PACS2: variants seen among roughly 807,000 people sequenced by gnomAD.
The protein encoded by PACS2 is PACS1-like protein.
Under a neutral mutation model 113.0 loss-of-function variants are expected in PACS2, and 36 were observed. The observed-to-expected ratio is 0.32, with a 90% CI of 0.24 to 0.42. PACS2 has a LOEUF of 0.42. PACS2 is among the 10% of genes least tolerant of loss of function. PACS2 has a pLI of 1.00. For synonymous variants in PACS2, 589 were observed against 536.1 expected (o/e 1.10, Z -1.36); for missense variants, 1,015 against 1,239.5 (o/e 0.82, Z 2.72).
chr14:105,380,931 G>T (rs1555411803), intron 11 of PACS2, 26 bp from the exon 12 acceptor site: 1 of 1,592,676 alleles, frequency 6.3e-7, no homozygotes, highest in South Asian at 1.1e-5. Flanking sequence ...TCCACGGGAG[G>T]CTCCAGGCCC....
chr14:105,331,184 A>AC (rs2059291613), intron 1 of PACS2, among the ~76,000 whole-genome samples: 2 of 151,860 alleles, frequency 1.3e-5, no homozygotes, highest in Admixed American at 6.6e-5. Flanking sequence ...CAAACTCCTG[A>AC]CCTCAGGTGA....
chr14:105,319,584 A>G (rs748358240), intron 1 of PACS2, among the ~76,000 whole-genome samples: 6 of 152,250 alleles, frequency 3.9e-5, no homozygotes, highest in Non-Finnish European at 7.3e-5. Context: ...ACTTATCTAT[A>G]GATTATTTTG....
Position 105,365,352 on chromosome 14 carries a change from T to G in PACS2, c.424-1861T>G, listed in dbSNP as rs2060907504. Among the ~76,000 whole-genome samples, 1 of 152,164 alleles carries G rather than the reference T, an allele frequency of 6.6e-6. No homozygotes were observed. On this transcript the variant is annotated intron_variant, in intron 4 of 24. Coordinates refer to ENST00000447393, the MANE Select transcript of PACS2 (RefSeq NM_001100913.3). The surrounding 1 kb of genome is among the most constrained non-coding windows in gnomAD (Gnocchi z 5.1). ...ACATGCAGCCTGGAGTGTCGGGGCC[T>G]GGGACTTCCAGGGCCTGCAGATATC...
At chr14:105,392,494 CCCT>C in intron 22 of PACS2, 122 bp from the exon 23 acceptor site, 12 of 772,866 alleles carry the variant, frequency 1.6e-5, no homozygotes, top group Non-Finnish European at 2.3e-5. Flanking sequence ...AAGCACCCGG[CCCT>C]CCTCTGCTGG....
rs587730339 is a variant in PACS2 at position 105,371,528 on chromosome 14, A to G, written c.801+1628A>G. 118 of 152,362 alleles carry G rather than the reference A, an allele frequency of 7.7e-4. 1 individual carries two copies. The highest frequency in any genetic ancestry group is 2.8e-3 in the African/African-American group (115 of 41,578). 9.4% of individuals were successfully genotyped at this position (152,362 alleles called of 1,614,324 possible). On this transcript the variant is annotated intron_variant, in intron 8 of 24. Coordinates refer to ENST00000447393, the MANE Select transcript of PACS2 (RefSeq NM_001100913.3). ...GCGTTGTGTGAAATTCATGCAGGTC[A>G]ACACAGTACTTTAATGGAGTGATGG...
rs2060333768 is a variant in PACS2, at chr14:105,354,027, G to T, written c.298-1025G>T. ...TGAACCCGGGAGGTGGAGGTTGGTT[G>T]CAGTGAGCTGAGATCATGCCATAGC... is the stretch of plus-strand genomic sequence containing the variant. On this transcript the variant is annotated intron_variant, in intron 3 of 24. Coordinates refer to ENST00000447393, the MANE Select transcript of PACS2 (RefSeq NM_001100913.3). The surrounding 1 kb of genome is among the most constrained non-coding windows in gnomAD (Gnocchi z 4.2). 6.6e-6 allele frequency among the ~76,000 whole-genome samples: 1 copy of T among 151,912 alleles called. No homozygotes were observed. Among genetic ancestry groups the T allele is most frequent in the Non-Finnish European group, 1.5e-5 (1 of 67,960 alleles).
Position 105,355,211 on chromosome 14 carries a change from C to T in PACS2, c.423+34C>T. 6.3e-7 allele frequency: 1 copy of T among 1,599,990 alleles called. No individual in the cohort carries two copies. Among genetic ancestry groups the T allele is most frequent in the Non-Finnish European group, 8.5e-7 (1 of 1,172,956 alleles). ...TCCGTCTGGCGTGGCCTGCGTCGGGCTGGCCACCTGGGTGCCAGAGCATTC... is the reference window on the plus strand; with the variant it reads ...TCCGTCTGGCGTGGCCTGCGTCGGGTTGGCCACCTGGGTGCCAGAGCATTC... On this transcript the variant is annotated intron_variant, in intron 4 of 24. Transcript: ENST00000447393. The surrounding 1 kb of genome is among the most constrained non-coding windows in gnomAD (Gnocchi z 4.1).
intron 19 of PACS2, 145 bp downstream of exon 19, chr14:105,385,862 G>C (rs1486369754): frequency 1.2e-5 from 6 of 502,280 alleles, no homozygotes; most frequent in African/African-American, 7.8e-5. Context: ...TGCAGGCTGA[G>C]AGCCCGCACG....
intron 2 of PACS2, among the ~76,000 whole-genome samples, chr14:105,351,444 C>T (rs2060175714): frequency 6.6e-6 from 1 of 152,190 alleles, no homozygotes; most frequent in African/African-American, 2.4e-5. Flanking sequence ...TAGGCTTCTA[C>T]TACCCTCATT....
chr14:105,367,460 C>A, intron 5 of PACS2, 85 bp downstream of exon 5: 1 of 1,389,200 alleles, frequency 7.2e-7, no homozygotes, highest in Non-Finnish European at 1.0e-6. Flanking sequence ...CAGAAACTGT[C>A]CAGCCTGGCT....
chr14:105,351,209 G>A (rs1555403935), intron 2 of PACS2, among the ~76,000 whole-genome samples: 1 of 152,250 alleles, frequency 6.6e-6, no homozygotes, highest in African/African-American at 2.4e-5. Flanking sequence ...AGGTCCCCAA[G>A]CTCATCCTTG....
intron 1 of PACS2, among the ~76,000 whole-genome samples, chr14:105,335,823 G>A (rs368797114): frequency 9.2e-5 from 14 of 152,346 alleles, no homozygotes; most frequent in Admixed American, 8.5e-4. Flanking sequence ...GCTGGCAGCC[G>A]CCCTCGGCCG....
At chr14:105,378,091 C>T (rs1326844966) in intron 9 of PACS2, among the ~76,000 whole-genome samples, 1 of 152,234 alleles carries the variant, frequency 6.6e-6, no homozygotes, top group Non-Finnish European at 1.5e-5. Context: ...GTGAAGTCCC[C>T]CTCACACTTT....
At chr14:105,308,685 G>A (rs1253555455) in intron 1 of PACS2, among the ~76,000 whole-genome samples, 1 of 151,874 alleles carries the variant, frequency 6.6e-6, no homozygotes, top group East Asian at 2.0e-4. Context: ...GTTTCACCAT[G>A]TTGGCCAGGC....
At chr14:105,361,598 G>C (rs2060680663) in intron 4 of PACS2, among the ~76,000 whole-genome samples, 1 of 152,096 alleles carries the variant, frequency 6.6e-6, no homozygotes. Context: ...GATTGCACCA[G>C]TGCATTCCAG....
At chr14:105,369,807 C>A in intron 7 of PACS2, 34 bp from the exon 8 acceptor site, 4 of 1,527,384 alleles carry the variant, frequency 2.6e-6, no homozygotes, top group Non-Finnish European at 3.5e-6. Context: ...GCAGCTCTGG[C>A]GGCGGCTCTG....
In PACS2 at chr14:105,352,466, A is replaced by C; in HGVS notation, c.296A>C (p.Gln99Pro). The change falls in exon 3 of 25, where the codon CAG (glutamine) becomes CCG (proline). Residue 99 changes from glutamine (Q) to proline (P), a missense_variant and splice_region_variant. Physicochemically the swap from Gln to Pro is moderately conservative, Grantham distance 76 (BLOSUM62 -1). Coordinates refer to ENST00000447393, the MANE Select transcript of PACS2 (RefSeq NM_001100913.3). ...ETDLALTFSL[Q>P]YPHFLKREGN... The stretch of plus-strand genomic sequence containing the variant: ...GACCTGGCCCTGACCTTCTCCTTGC[A>C]GGTGAGTCTTTCACCAGTGGTGACG... 1 of 1,596,132 alleles carries C rather than the reference A, an allele frequency of 6.3e-7. No individual in the cohort carries two copies. Among genetic ancestry groups the C allele is most frequent in the Non-Finnish European group, 8.6e-7 (1 of 1,164,110 alleles).
intron 1 of PACS2, among the ~76,000 whole-genome samples, chr14:105,342,156 C>T (rs2059750971): frequency 1.3e-5 from 2 of 152,170 alleles, no homozygotes; most frequent in Admixed American, 1.3e-4. Flanking sequence ...TGCGCACTCC[C>T]CAAATGCCTC....
chr14:105,353,965 A>C (rs1045013389), intron 3 of PACS2, among the ~76,000 whole-genome samples: 1 of 151,860 alleles, frequency 6.6e-6, no homozygotes, highest in Non-Finnish European at 1.5e-5. Flanking sequence ...TAATCCCAGC[A>C]CTTCGGGAGG....
Sources: allele counts gnomAD v4.1 joint callset (sites outside exome capture counted in the v4.1 genomes callset), GRCh38; gene constraint gnomAD v4.1.1; non-coding constraint Gnocchi (gnomAD v3.1); transcripts MANE v1.5; gene names NCBI Gene and HGNC (gene_info 2026-07-23, HGNC 2026-07-21).